The following KIAA1755 variants were observed in gnomAD, a reference collection of about 807,000 sequenced individuals.
KIAA1755 encodes uncharacterized protein KIAA1755.
In KIAA1755, 68 loss-of-function variants were observed where a neutral mutation model predicts 91.7. That is an observed-to-expected ratio of 0.74 (90% confidence interval 0.61 to 0.91). KIAA1755 has a LOEUF of 0.91. Ranked by LOEUF, KIAA1755 falls within the 40% of genes least tolerant of loss-of-function variation. The probability of loss-of-function intolerance (pLI) is 0.00; values close to 1 mark genes in which losing one functional copy is unlikely to be tolerated. For synonymous variants in KIAA1755, 610 were observed against 604.6 expected (o/e 1.01, Z -0.13); for missense variants, 1,535 against 1,494.4 (o/e 1.03, Z -0.45).
rs1234456828 is a variant in KIAA1755 at position 38,245,824 on chromosome 20, C to G, written c.201+105G>C. The G allele has an allele frequency of 8.6e-6, 9 of 1,052,536 alleles. No homozygotes were observed. In the East Asian group the frequency reaches 2.2e-4, roughly 26 times the overall value. 65.2% of individuals were successfully genotyped at this position (1,052,536 alleles called of 1,614,324 possible). A position where few individuals can be genotyped will look rare whatever the true frequency, so the allele number is the denominator to read the frequency against. On this transcript the variant is annotated intron_variant, in intron 2 of 13. Coordinates refer to ENST00000279024, the MANE Select transcript of KIAA1755 (RefSeq NM_001029864.2). ...AAAGTCCCCCCACACCCTCAGCTCC[C>G]CGTGAAACAAGACACAGGCCAGCCC...
intron 1 of KIAA1755, among the ~76,000 whole-genome samples, chr20:38,251,503 G>C (rs1268276041): frequency 1.3e-5 from 2 of 152,078 alleles, no homozygotes; most frequent in Non-Finnish European, 2.9e-5. Flanking sequence ...GCAATGGAGT[G>C]GGGGTGGGGG....
chr20:38,219,531 G>T, intron 11 of KIAA1755, 99 bp downstream of exon 11: 1 of 1,508,602 alleles, frequency 6.6e-7, no homozygotes, highest in South Asian at 1.2e-5. Context: ...CCTTTCTCCA[G>T]AACAAAGCAC....
chr20:38,224,503 G>A (rs965281594), intron 8 of KIAA1755, among the ~76,000 whole-genome samples: 2 of 152,218 alleles, frequency 1.3e-5, no homozygotes, highest in Admixed American at 6.5e-5. Context: ...ATGTTACACT[G>A]TTAGTATAGA....
At position 38,217,306 on chromosome 20, in the gene KIAA1755, G is replaced by T. The variant is rs202007256; in HGVS notation, c.2848C>A (p.Arg950=). ...AGCGTCTCGAGGTCCGTGCGTTGCCGCTCGGCCGCCATGTAAAAGTGGGTC... is the reference window on the plus strand; with the variant it reads ...AGCGTCTCGAGGTCCGTGCGTTGCCTCTCGGCCGCCATGTAAAAGTGGGTC... The part of the protein sequence containing the change: ...ELTHFYMAAE[R]QRTDLETLLH... Residue 950 remains arginine (R), a synonymous_variant, in exon 13 of 14, where the codon CGG becomes AGG. Coordinates refer to ENST00000279024, the MANE Select transcript of KIAA1755 (RefSeq NM_001029864.2). 4.4e-6 allele frequency: 7 copies of T among 1,608,860 alleles called. No homozygotes were observed. Among genetic ancestry groups the T allele is most frequent in the African/African-American group, 1.3e-5 (1 of 75,034 alleles).
rs755418103 is a variant in KIAA1755 at position 38,223,532 on chromosome 20, G to A, written c.2268+6C>T. The A allele has an allele frequency of 2.5e-6, 4 of 1,571,950 alleles. No individual in the cohort carries two copies. Among genetic ancestry groups the A allele is most frequent in the Non-Finnish European group, 1.7e-6 (2 of 1,163,870 alleles). Reference sequence around the variant, plus strand: ...AGCTTCCCCAGTCACCATGCTCCAGGCTCACCTGCATCCCCCCAGGGGGGT... The same window carrying A: ...AGCTTCCCCAGTCACCATGCTCCAGACTCACCTGCATCCCCCCAGGGGGGT... On this transcript the variant is annotated splice_donor_region_variant and intron_variant, in intron 9 of 13. Transcript: ENST00000279024.
intron 8 of KIAA1755, among the ~76,000 whole-genome samples, chr20:38,225,325 A>G (rs2075736221): frequency 6.6e-6 from 1 of 152,160 alleles, no homozygotes; most frequent in African/African-American, 2.4e-5. Context: ...TTCAGTTAAC[A>G]TAGACCTAGC....
At chr20:38,252,828 T>C (rs953265631) in intron 1 of KIAA1755, among the ~76,000 whole-genome samples, 3 of 152,094 alleles carry the variant, frequency 2.0e-5, no homozygotes, top group Non-Finnish European at 4.4e-5. Context: ...CATTACCCAC[T>C]ACAGGCCTGA....
chr20:38,241,829 C>G lies in KIAA1755; in HGVS notation c.302G>C (p.Arg101Pro), dbSNP rs145701234. ...HLAPLNPLLL[R>P]QGDFYLQVEP... ...CACTTGGAGGTAGAAGTCACCCTGGCGCAATAAGAGAGGGTTGAGGGGTGC... is the reference window on the plus strand; with the variant it reads ...CACTTGGAGGTAGAAGTCACCCTGGGGCAATAAGAGAGGGTTGAGGGGTGC... Residue 101 changes from arginine (R) to proline (P), a missense_variant, in exon 3 of 14, where the codon CGC becomes CCC. Coordinates refer to ENST00000279024, the MANE Select transcript of KIAA1755 (RefSeq NM_001029864.2). 6.2e-7 allele frequency: 1 copy of G among 1,613,994 alleles called. No homozygotes were observed. Among genetic ancestry groups the G allele is most frequent in the Non-Finnish European group, 8.5e-7 (1 of 1,180,034 alleles).
At chr20:38,250,487 GGTGTGTGT>G (rs370369766) in intron 1 of KIAA1755, among the ~76,000 whole-genome samples, 1 of 142,480 alleles carries the variant, frequency 7.0e-6, no homozygotes, top group Non-Finnish European at 1.5e-5. Context: ...TTATTATTAT[GGTGTGTGT>G]GTGTGTGTGT....
intron 4 of KIAA1755, 55 bp from the exon 5 acceptor site, chr20:38,231,380 G>T: frequency 6.5e-7 from 1 of 1,535,610 alleles, no homozygotes; most frequent in South Asian, 1.3e-5. Flanking sequence ...GCCCTCTAGG[G>T]ACCTCTCCTG....
At position 38,211,226 on chromosome 20, in the gene KIAA1755, G is replaced by C. The variant is rs1192028372; in HGVS notation, c.*1816C>G. On this transcript the variant is annotated 3_prime_UTR_variant, in exon 14 of 14. Transcript: ENST00000279024. ...TTAGGTATCAAGTGTGTGACTCTTG[G>C]CTGAGACAGCTCCTGAGAAGCCCTA... The C allele has an allele frequency of 1.3e-5, 2 of 152,310 alleles. No individual in the cohort carries two copies. Among genetic ancestry groups the C allele is most frequent in the Admixed American group, 1.3e-4 (2 of 15,284 alleles). 9.4% of individuals were successfully genotyped at this position (152,310 alleles called of 1,614,324 possible).
chr20:38,240,487 C>T (rs2076036074), intron 3 of KIAA1755, 95 bp downstream of exon 3: 9 of 1,280,816 alleles, frequency 7.0e-6, no homozygotes, highest in Non-Finnish European at 8.3e-6. Flanking sequence ...TGAGCCAGCC[C>T]AGGTGGTCTC....
At position 38,228,214 on chromosome 20, in the gene KIAA1755, G is replaced by T. The variant is rs16987188; in HGVS notation, c.1898C>A (p.Ala633Glu). The T allele has an allele frequency of 1.9e-6, 3 of 1,602,118 alleles. No individual in the cohort carries two copies. The highest frequency in any genetic ancestry group is 2.7e-5 in the African/African-American group (2 of 74,664). Residue 633 changes from alanine to glutamate, a missense_variant, in exon 6 of 14, where the codon GCG becomes GAG. By Grantham distance (107) the Ala-to-Glu change is moderately radical. Transcript: ENST00000279024. Reference protein sequence around the residue: ...PRPEDKAKGLAVLIDARRQPP... With the variant: ...PRPEDKAKGLEVLIDARRQPP... ...CTGTCTCCTGGCGTCAATCAGGACC[G>T]CCAGCCCCTTGGCTTTATCTTCAGG...
Position 38,260,621 on chromosome 20 carries a change from G to T in KIAA1755, c.-121C>A. The T allele has an allele frequency of 7.9e-7, 1 of 1,258,522 alleles. No homozygotes were observed. Among genetic ancestry groups the T allele is most frequent in the Non-Finnish European group, 1.0e-6 (1 of 962,438 alleles). The allele number at this position is 1,258,522 out of a possible 1,614,324, so 78.0% of individuals were successfully genotyped here. A position where few individuals can be genotyped will look rare whatever the true frequency, so the allele number is the denominator to read the frequency against. ...CGCCTAGCCCTGGAGCCAGGGGATAGGGCAGGCCCGGGGCACCGACCCCGG... is the reference window on the plus strand; with the variant it reads ...CGCCTAGCCCTGGAGCCAGGGGATATGGCAGGCCCGGGGCACCGACCCCGG... On this transcript the variant is annotated 5_prime_UTR_variant, in exon 1 of 14. Coordinates refer to ENST00000279024, the MANE Select transcript of KIAA1755 (RefSeq NM_001029864.2).
At position 38,217,055 on chromosome 20, in the gene KIAA1755, T is replaced by A; in HGVS notation, c.2901+198A>T. 3 of 640,718 alleles carry A rather than the reference T, an allele frequency of 4.7e-6. No individual in the cohort carries two copies. The South Asian group carries it at 5.3e-5, about 11-fold the overall frequency. The allele number at this position is 640,718 out of a possible 1,614,324, so 39.7% of individuals were successfully genotyped here. On this transcript the variant is annotated intron_variant, in intron 13 of 13. Transcript: ENST00000279024. The stretch of plus-strand genomic sequence containing the variant: ...CTCCGACTGTGTCTGGGTATCCCTG[T>A]CCCTGCTGTGCCCCCAGCCAGGGGA...
rs79170479 is a variant in KIAA1755, at chr20:38,234,499, T to C, written c.1748-3174A>G. Among the ~76,000 whole-genome samples, 96 of 152,284 alleles carry C rather than the reference T, an allele frequency of 6.3e-4. No homozygotes were observed. The East Asian group carries it at 0.018, about 29-fold the overall frequency. ...CACAAGGCTGGATAATCAATGTCTG[T>C]GATTGATTCATGAAGGAATGGAGGG... is the stretch of plus-strand genomic sequence containing the variant. On this transcript the variant is annotated intron_variant, in intron 4 of 13. Coordinates refer to ENST00000279024, the MANE Select transcript of KIAA1755 (RefSeq NM_001029864.2).
chr20:38,235,987 C>A (rs2075953630), intron 4 of KIAA1755, among the ~76,000 whole-genome samples: 1 of 152,180 alleles, frequency 6.6e-6, no homozygotes, highest in Non-Finnish European at 1.5e-5. Context: ...TAAGGAAACT[C>A]CAACAGAGGC....
At chr20:38,219,480 A>G (rs1299678278) in intron 11 of KIAA1755, 150 bp downstream of exon 11, 2 of 996,906 alleles carry the variant, frequency 2.0e-6, no homozygotes, top group Non-Finnish European at 2.9e-6. Flanking sequence ...CTACGCCCCA[A>G]GGATGCCTGC....
intron 1 of KIAA1755, among the ~76,000 whole-genome samples, chr20:38,247,632 C>T (rs551842659): frequency 6.6e-6 from 1 of 152,336 alleles, no homozygotes; most frequent in South Asian, 2.1e-4. Context: ...TCTCTGGAAC[C>T]TGTGAACGTG....
Sources: allele counts gnomAD v4.1 joint callset (sites outside exome capture counted in the v4.1 genomes callset), GRCh38; gene constraint gnomAD v4.1.1; transcripts MANE v1.5; gene names NCBI Gene and HGNC (gene_info 2026-07-23, HGNC 2026-07-21).